Variants in CA10 observed in about 807,000 individuals in gnomAD.
CA10 encodes the protein carbonic anhydrase-related protein 10.
A neutral mutation model predicts 44.2 loss-of-function variants in CA10; 14 were observed. The observed-to-expected ratio is 0.32, with a 90% CI of 0.21 to 0.50. The LOEUF (loss-of-function observed/expected upper bound fraction) is 0.50. Ranked by LOEUF, CA10 falls within the 20% of genes least tolerant of loss-of-function variation. The pLI, the probability that CA10 is intolerant of heterozygous loss-of-function variation, is 0.99. For missense variants in CA10, 350 were observed against 409.7 expected, an observed-to-expected ratio of 0.85 and a Z score of 1.26; for synonymous variants, 159 against 141.6, an observed-to-expected ratio of 1.12 and a Z score of -0.87.
At chr17:51,821,916 A>G (rs1907817310) in intron 3 of CA10, among the ~76,000 whole-genome samples, 1 of 152,180 alleles carries the variant, frequency 6.6e-6, no homozygotes, top group African/African-American at 2.4e-5. Context: ...CATTTGTAAA[A>G]TGGGCATACT....
At chr17:52,061,811 A>G (rs1987394431) in intron 2 of CA10, among the ~76,000 whole-genome samples, 1 of 152,144 alleles carries the variant, frequency 6.6e-6, no homozygotes, top group African/African-American at 2.4e-5. Flanking sequence ...TCTGTTTATA[A>G]ATTACCCAGT....
intron 2 of CA10, among the ~76,000 whole-genome samples, chr17:51,968,889 G>A (rs1376334951): frequency 6.6e-6 from 1 of 151,902 alleles, no homozygotes. Context: ...CCTATAAGGT[G>A]AACACAATCT....
At chr17:51,758,004 T>TACC (rs1225561814) in intron 3 of CA10, among the ~76,000 whole-genome samples, 1 of 152,190 alleles carries the variant, frequency 6.6e-6, no homozygotes, top group Admixed American at 6.5e-5. Flanking sequence ...TGCTTCGAGT[T>TACC]ACCATTGGTG....
chr17:51,723,438 T>C (rs542782293), intron 4 of CA10, among the ~76,000 whole-genome samples: 41 of 152,150 alleles, frequency 2.7e-4, no homozygotes, highest in Admixed American at 4.6e-4. Context: ...GAACACTTGG[T>C]AAGTGCTACT....
At chr17:51,663,351 G>T (rs551830467) in intron 4 of CA10, among the ~76,000 whole-genome samples, 1 of 152,226 alleles carries the variant, frequency 6.6e-6, no homozygotes, top group South Asian at 2.1e-4. Flanking sequence ...TCCCAGAAGT[G>T]ACTTGTAGGC....
At chr17:52,050,321 A>C (rs2970024) in intron 2 of CA10, among the ~76,000 whole-genome samples, 150,978 of 152,152 alleles carry the variant, frequency 0.99, 74,918 homozygotes, top group East Asian at 1. Flanking sequence ...AGAGTCAGTC[A>C]ATTTATCGCT....
intron 3 of CA10, among the ~76,000 whole-genome samples, chr17:51,877,038 T>C (rs531778196): frequency 6.6e-6 from 1 of 152,244 alleles, no homozygotes; most frequent in Non-Finnish European, 1.5e-5. Flanking sequence ...TTTCATTTCC[T>C]GCTCCTTTTA....
intron 2 of CA10, among the ~76,000 whole-genome samples, chr17:51,941,400 T>C (rs1303134091): frequency 6.6e-6 from 1 of 152,170 alleles, no homozygotes; most frequent in Non-Finnish European, 1.5e-5. Flanking sequence ...GTCTAACAGT[T>C]GTATTAAGCA....
chr17:51,733,584 C>A (rs372426387), intron 4 of CA10, among the ~76,000 whole-genome samples: 22 of 152,178 alleles, frequency 1.4e-4, no homozygotes, highest in Non-Finnish European at 3.1e-4. Flanking sequence ...ACTCCAGAAG[C>A]GGCACTAGAG....
intron 2 of CA10, among the ~76,000 whole-genome samples, chr17:51,970,731 T>C (rs1044252474): frequency 1.3e-5 from 2 of 152,116 alleles, no homozygotes; most frequent in East Asian, 1.9e-4. Context: ...CCTGAAAATA[T>C]TGTGTTTTGT....
intron 1 of CA10, among the ~76,000 whole-genome samples, chr17:52,096,492 A>T (rs1244712079): frequency 6.6e-6 from 1 of 152,150 alleles, no homozygotes; most frequent in Admixed American, 6.6e-5. Flanking sequence ...GGCTCTGAGG[A>T]CAGAGCGAAC....
intron 4 of CA10, among the ~76,000 whole-genome samples, chr17:51,703,920 G>A (rs1915679895): frequency 8.2e-6 from 1 of 121,518 alleles, no homozygotes; most frequent in Admixed American, 9.0e-5. Flanking sequence ...AGGGACTGAG[G>A]TTTCCAGGCA....
intron 3 of CA10, among the ~76,000 whole-genome samples, chr17:51,749,110 G>A (rs1409889502): frequency 6.6e-6 from 1 of 152,192 alleles, no homozygotes; most frequent in Non-Finnish European, 1.5e-5. Flanking sequence ...TGGCAATGTG[G>A]TGCAGCGACT....
In CA10 at chr17:51,649,224, G is replaced by A. The variant is rs765989878; in HGVS notation, c.592C>T (p.Arg198Ter). Residue 198 changes from arginine to a stop codon, truncating the protein, a stop_gained, in exon 6 of 9, where the codon CGA becomes TGA. Coordinates refer to ENST00000451037, the MANE Select transcript of CA10 (RefSeq NM_020178.5). LOFTEE classifies it high-confidence loss of function. ...GTGATAGTATCTCTGTTGAGCATTC[G>A]ATTAAGAAATGGGTTTGATGAATCA... ...VSDSSNPFLN[R>*]MLNRDTITRI... The A allele has an allele frequency of 1.9e-6, 3 of 1,613,244 alleles. No homozygotes were observed. The highest frequency in any genetic ancestry group is 1.7e-6 in the Non-Finnish European group (2 of 1,179,374).
chr17:51,875,208 C>G (rs1980014183), intron 3 of CA10, among the ~76,000 whole-genome samples: 1 of 152,074 alleles, frequency 6.6e-6, no homozygotes, highest in African/African-American at 2.4e-5. Context: ...TGCTTATACT[C>G]TTATACTGCC....
chr17:51,867,182 C>T (rs2143853213), intron 3 of CA10, among the ~76,000 whole-genome samples: 1 of 152,150 alleles, frequency 6.6e-6, no homozygotes, highest in East Asian at 1.9e-4. Context: ...TAACACTGGG[C>T]AGTGATGCAG....
intron 3 of CA10, among the ~76,000 whole-genome samples, chr17:51,915,405 T>C (rs1981954715): frequency 6.6e-6 from 1 of 152,198 alleles, no homozygotes; most frequent in Non-Finnish European, 1.5e-5. Flanking sequence ...ATAGATTGAT[T>C]CCGATCTATT....
chr17:51,861,563 G>A (rs977905996), intron 3 of CA10, among the ~76,000 whole-genome samples: 3 of 149,432 alleles, frequency 2.0e-5, no homozygotes, highest in African/African-American at 7.4e-5. Context: ...TTTTTAATGA[G>A]ATGATTTGGG....
chr17:51,806,924 T>C (rs550117871), intron 3 of CA10, among the ~76,000 whole-genome samples: 1 of 152,318 alleles, frequency 6.6e-6, no homozygotes, highest in East Asian at 1.9e-4. Flanking sequence ...AGAGTTCCCT[T>C]GAGAGTGACT....
Sources: allele counts gnomAD v4.1 joint callset (sites outside exome capture counted in the v4.1 genomes callset), GRCh38; gene constraint gnomAD v4.1.1; transcripts MANE v1.5; gene names NCBI Gene and HGNC (gene_info 2026-07-23, HGNC 2026-07-21).